Variants in CADPS2 observed in about 807,000 individuals in gnomAD.
CADPS2 encodes the protein calcium-dependent secretion activator 2.
A neutral mutation model predicts 172.5 loss-of-function variants in CADPS2; 93 were observed. The observed-to-expected ratio is 0.54, with a 90% CI of 0.46 to 0.64. The LOEUF (loss-of-function observed/expected upper bound fraction) is 0.64, where lower values mean the gene tolerates loss of function less well. Among genes scored for constraint, CADPS2 ranks in the 30% least tolerant of loss-of-function variants. The pLI, the probability that CADPS2 is intolerant of heterozygous loss-of-function variation, is 0.00. For synonymous variants in CADPS2, 546 were observed against 555.2 expected (o/e 0.98, Z 0.23); for missense variants, 1,420 against 1,565.9 (o/e 0.91, Z 1.57).
intron 8 of CADPS2, among the ~76,000 whole-genome samples, chr7:122,542,113 C>T (rs1014028846): frequency 6.6e-6 from 1 of 151,704 alleles, no homozygotes; most frequent in Non-Finnish European, 1.5e-5. Context: ...TTCATTTAAT[C>T]CTTACAGCAT....
intron 16 of CADPS2, among the ~76,000 whole-genome samples, chr7:122,440,001 G>C (rs1360928024): frequency 1.3e-5 from 2 of 152,126 alleles, no homozygotes; most frequent in Non-Finnish European, 2.9e-5. Flanking sequence ...TGCAAAAAGG[G>C]AGATGCCAAC....
chr7:122,851,830 C>A (rs1813721943), intron 1 of CADPS2, among the ~76,000 whole-genome samples: 1 of 152,146 alleles, frequency 6.6e-6, no homozygotes, highest in Non-Finnish European at 1.5e-5. Flanking sequence ...CCTCCCACAA[C>A]ACATGGGAAT....
intron 19 of CADPS2, among the ~76,000 whole-genome samples, chr7:122,411,026 G>A (rs2047240527): frequency 6.6e-6 from 1 of 152,166 alleles, no homozygotes; most frequent in African/African-American, 2.4e-5. Context: ...GGAGCCTAGA[G>A]ACCAAGTTCT....
At position 122,393,215 on chromosome 7, in the gene CADPS2, G is replaced by T. The variant is rs774409236; in HGVS notation, c.2989C>A (p.Pro997Thr). The T allele has an allele frequency of 2.0e-5, 32 of 1,613,748 alleles. No homozygotes were observed. Among genetic ancestry groups the T allele is most frequent in the Non-Finnish European group, 2.6e-5 (31 of 1,179,782 alleles). ...ACACACGTGGACTCATATAAAGAAG[G>T]CATCCACGAAGCAGTAGAAATGTTA... is the stretch of plus-strand genomic sequence containing the variant. ...IPNISTASWMPSLYESTNGSA... is the reference protein window; with the variant it reads ...IPNISTASWMTSLYESTNGSA... Residue 997 changes from proline (P) to threonine (T), a missense_variant, in exon 22 of 30, where the codon CCT becomes ACT. By Grantham distance (38) the Pro-to-Thr change is conservative. Transcript: ENST00000449022.
In CADPS2 at chr7:122,681,579, C is replaced by T. The variant is rs960219415; in HGVS notation, c.454-18010G>A. Reference sequence around the variant, plus strand: ...CAGCAAAGTAGTCAGGAATCGATCTCGTGAAGCCCGCAAGGACCGAACACC... The same window carrying T: ...CAGCAAAGTAGTCAGGAATCGATCTTGTGAAGCCCGCAAGGACCGAACACC... On this transcript the variant is annotated intron_variant, in intron 2 of 29. Transcript: ENST00000449022. The T allele has an allele frequency of 6.0e-6, 9 of 1,490,848 alleles. No homozygotes were observed. The African/African-American group carries it at 9.7e-5, about 16-fold the overall frequency. 92.4% of individuals were successfully genotyped at this position (1,490,848 alleles called of 1,614,324 possible).
At chr7:122,639,686 T>C (rs1389728041) in intron 3 of CADPS2, among the ~76,000 whole-genome samples, 1 of 152,220 alleles carries the variant, frequency 6.6e-6, no homozygotes, top group African/African-American at 2.4e-5. Flanking sequence ...TGGTTAGTTT[T>C]AATAATGATG....
chr7:122,643,838 C>T (rs1162091971), intron 3 of CADPS2, among the ~76,000 whole-genome samples: 1 of 152,024 alleles, frequency 6.6e-6, no homozygotes, highest in Non-Finnish European at 1.5e-5. Flanking sequence ...TGCCTATAAT[C>T]CCAGCATTTT....
At chr7:122,466,734 T>C (rs2055187766) in intron 14 of CADPS2, among the ~76,000 whole-genome samples, 1 of 152,214 alleles carries the variant, frequency 6.6e-6, no homozygotes, top group South Asian at 2.1e-4. Flanking sequence ...TTAGGAACCA[T>C]ATTGAGTAGG....
intron 15 of CADPS2, among the ~76,000 whole-genome samples, chr7:122,446,231 T>A (rs1358961678): frequency 2.6e-5 from 4 of 152,204 alleles, no homozygotes; most frequent in Non-Finnish European, 5.9e-5. Context: ...TTAATCCTCT[T>A]CATTGATCAT....
At chr7:122,872,487 A>T (rs1383046230) in intron 1 of CADPS2, among the ~76,000 whole-genome samples, 1 of 152,050 alleles carries the variant, frequency 6.6e-6, no homozygotes, top group African/African-American at 2.4e-5. Context: ...AATGGGCTTT[A>T]TCTCAATCTC....
intron 4 of CADPS2, among the ~76,000 whole-genome samples, chr7:122,623,842 A>C (rs2075828370): frequency 6.6e-6 from 1 of 152,228 alleles, no homozygotes; most frequent in African/African-American, 2.4e-5. Context: ...CACGTATCTG[A>C]AAGTTCTGAT....
intron 20 of CADPS2, among the ~76,000 whole-genome samples, chr7:122,403,576 A>G (rs2046228546): frequency 6.6e-6 from 1 of 152,220 alleles, no homozygotes; most frequent in Non-Finnish European, 1.5e-5. Context: ...CATATTTAAT[A>G]TGTGAATTAA....
chr7:122,461,770 T>C (rs1432522485), intron 14 of CADPS2, among the ~76,000 whole-genome samples: 1 of 152,088 alleles, frequency 6.6e-6, no homozygotes, highest in Non-Finnish European at 1.5e-5. Context: ...AATTTTTGCA[T>C]TTTTCAGTAG....
At chr7:122,864,293 G>A (rs375081835) in intron 1 of CADPS2, among the ~76,000 whole-genome samples, 1 of 151,962 alleles carries the variant, frequency 6.6e-6, no homozygotes, top group Non-Finnish European at 1.5e-5. Flanking sequence ...CTAAAAATGT[G>A]TTATCTGTCA....
At chr7:122,729,174 A>C (rs1271019058) in intron 2 of CADPS2, among the ~76,000 whole-genome samples, 1 of 151,738 alleles carries the variant, frequency 6.6e-6, no homozygotes, top group Non-Finnish European at 1.5e-5. Context: ...AGTTCAATCC[A>C]TGTTGCTGCA....
intron 17 of CADPS2, among the ~76,000 whole-genome samples, chr7:122,417,484 G>A (rs1009394183): frequency 6.6e-6 from 1 of 152,160 alleles, no homozygotes; most frequent in Admixed American, 6.5e-5. Flanking sequence ...AAGGCAGTAT[G>A]AGACACACTT....
At chr7:122,668,244 AT>A (rs34508926) in intron 2 of CADPS2, among the ~76,000 whole-genome samples, 80,034 of 151,120 alleles carry the variant, frequency 0.53, 21,576 homozygotes, top group East Asian at 0.73. Context: ...GGAAAATTCC[AT>A]TTTTTTTTAC....
chr7:122,456,187 C>A (rs1020608802), intron 14 of CADPS2, among the ~76,000 whole-genome samples: 1 of 151,752 alleles, frequency 6.6e-6, no homozygotes, highest in Non-Finnish European at 1.5e-5. Context: ...TACTTTAAAT[C>A]TTAAGAATAG....
At chr7:122,849,666 A>C (rs1419602834) in intron 1 of CADPS2, 4 of 320,328 alleles carry the variant, frequency 1.2e-5, no homozygotes, top group Non-Finnish European at 2.4e-5. Flanking sequence ...TATGGCTGCT[A>C]TAAAAGAGGC....
Sources: allele counts gnomAD v4.1 joint callset (sites outside exome capture counted in the v4.1 genomes callset), GRCh38; gene constraint gnomAD v4.1.1; transcripts MANE v1.5; gene names NCBI Gene and HGNC (gene_info 2026-07-23, HGNC 2026-07-21).